PLAC8: variants seen among roughly 807,000 people sequenced by gnomAD.
PLAC8 encodes placenta-specific gene 8 protein.
PLAC8 carries 6 observed loss-of-function variants against 12.6 expected under a neutral mutation model. That is an observed-to-expected ratio of 0.48 (90% confidence interval 0.26 to 0.94). The LOEUF (loss-of-function observed/expected upper bound fraction) is 0.94, where lower values mean the gene tolerates loss of function less well. Ranked by LOEUF, PLAC8 falls within the 40% of genes least tolerant of loss-of-function variation. PLAC8 has a pLI of 0.14. For synonymous variants in PLAC8, 54 were observed against 52.6 expected, an observed-to-expected ratio of 1.03 and a Z score of -0.11; for missense variants, 122 against 152.7, an observed-to-expected ratio of 0.80 and a Z score of 1.06.
Position 83,112,173 on chromosome 4 carries a change from CA to C in PLAC8, c.-30+2492del, listed in dbSNP as rs1166374435. On this transcript the variant is annotated intron_variant, in intron 1 of 4. Coordinates refer to ENST00000311507, the MANE Select transcript of PLAC8 (RefSeq NM_016619.3). ...TGGATGACAGAGCGAGACTCCGTCT[CA>C]AAAAAAAAAAAATTTATATATATAT... 6.4e-3 allele frequency among the ~76,000 whole-genome samples: 708 copies of C among 110,420 alleles called. 9 individuals carry two copies. The highest frequency in any genetic ancestry group is 0.02 in the African/African-American group (477 of 24,404). The allele number at this position is 110,420 out of a possible 152,430, so 72.4% of individuals were successfully genotyped here. A position where few individuals can be genotyped will look rare whatever the true frequency, so the allele number is the denominator to read the frequency against.
chr4:83,099,565 C>A (rs2868728), intron 3 of PLAC8, among the ~76,000 whole-genome samples: 47,601 of 152,004 alleles, frequency 0.31, 7,669 homozygotes, highest in East Asian at 0.56. Context: ...GTTGTCCCCA[C>A]CCAAATCTCA....
At position 83,094,628 on chromosome 4, in the gene PLAC8, A is replaced by T. The variant is rs144528922; in HGVS notation, c.*9+50T>A. 291 of 937,108 alleles carry T rather than the reference A, an allele frequency of 3.1e-4. No individual in the cohort carries two copies. In the African/African-American group the frequency reaches 4.2e-3, roughly 14 times the overall value. The allele number at this position is 937,108 out of a possible 1,614,324, so 58.0% of individuals were successfully genotyped here. A position where few individuals can be genotyped will look rare whatever the true frequency, so the allele number is the denominator to read the frequency against. Reference sequence around the variant, plus strand: ...CAAATAATTGACAAAGTCTTTAGTGATATTTCTAAAAACCCACATGTTCTG... The same window carrying T: ...CAAATAATTGACAAAGTCTTTAGTGTTATTTCTAAAAACCCACATGTTCTG... On this transcript the variant is annotated intron_variant, in intron 4 of 4. Coordinates refer to ENST00000311507, the MANE Select transcript of PLAC8 (RefSeq NM_016619.3).
At chr4:83,112,160 C>T (rs185399307) in intron 1 of PLAC8, among the ~76,000 whole-genome samples, 24 of 140,386 alleles carry the variant, frequency 1.7e-4, no homozygotes, top group African/African-American at 5.6e-4. Flanking sequence ...GATGACAGAG[C>T]GAGACTCCGT....
chr4:83,105,823 A>C (rs1732221230), intron 2 of PLAC8, among the ~76,000 whole-genome samples: 1 of 152,178 alleles, frequency 6.6e-6, no homozygotes, highest in South Asian at 2.1e-4. Context: ...TCATCTTTAG[A>C]GAGTTTCACC....
intron 4 of PLAC8, among the ~76,000 whole-genome samples, chr4:83,091,875 C>T (rs1169575729): frequency 1.3e-5 from 2 of 152,088 alleles, no homozygotes; most frequent in East Asian, 1.9e-4. Context: ...TCATTTATGT[C>T]AGCACAAACT....
At chr4:83,108,850 T>C (rs1224349018) in intron 1 of PLAC8, among the ~76,000 whole-genome samples, 7 of 152,224 alleles carry the variant, frequency 4.6e-5, no homozygotes, top group African/African-American at 1.7e-4. Context: ...TCCTAATTTA[T>C]TCTTTTTTGT....
At chr4:83,100,825 A>G (rs1217918087) in intron 3 of PLAC8, among the ~76,000 whole-genome samples, 1 of 152,250 alleles carries the variant, frequency 6.6e-6, no homozygotes, top group Non-Finnish European at 1.5e-5. Flanking sequence ...GAAACCAGAG[A>G]GAGGCTGAAA....
chr4:83,095,315 G>A (rs1731900127), intron 3 of PLAC8, among the ~76,000 whole-genome samples: 1 of 152,180 alleles, frequency 6.6e-6, no homozygotes, highest in Admixed American at 6.5e-5. Flanking sequence ...AGATGAAAAT[G>A]ATAAAACATC....
chr4:83,108,666 A>C (rs1285810277), intron 1 of PLAC8, among the ~76,000 whole-genome samples: 1 of 152,214 alleles, frequency 6.6e-6, no homozygotes, highest in Non-Finnish European at 1.5e-5. Context: ...CTCGTGGGGT[A>C]AGGGAGCTGA....
At chr4:83,098,034 T>A (rs769666570) in intron 3 of PLAC8, among the ~76,000 whole-genome samples, 1 of 152,014 alleles carries the variant, frequency 6.6e-6, no homozygotes, top group Non-Finnish European at 1.5e-5. Context: ...AATTTTTGTA[T>A]TTTTAGTAGA....
In PLAC8 at chr4:83,112,485, G is replaced by A. The variant is rs1316196282; in HGVS notation, c.-30+2181C>T. Among the ~76,000 whole-genome samples the A allele has an allele frequency of 8.5e-5, 13 of 152,218 alleles. No homozygotes were observed. The East Asian group carries it at 2.5e-3, about 29-fold the overall frequency. On this transcript the variant is annotated intron_variant, in intron 1 of 4. Coordinates refer to ENST00000311507, the MANE Select transcript of PLAC8 (RefSeq NM_016619.3). The stretch of plus-strand genomic sequence containing the variant: ...TGGGGGGCCCCAGGAGGTTTCTGAT[G>A]CTATTGTAAGTTCCTTTCTAGCACA...
At chr4:83,096,406 CAA>C (rs11352744) in intron 3 of PLAC8, among the ~76,000 whole-genome samples, 48 of 151,748 alleles carry the variant, frequency 3.2e-4, no homozygotes, top group African/African-American at 1.0e-3. Flanking sequence ...TTGTGAATTA[CAA>C]AAAAAAAATG....
chr4:83,113,663 T>TA (rs1466439392), intron 1 of PLAC8, among the ~76,000 whole-genome samples: 13 of 151,530 alleles, frequency 8.6e-5, no homozygotes, highest in Non-Finnish European at 1.3e-4. Context: ...AGAGAGTGAT[T>TA]AAAAAAAAGT....
chr4:83,091,233 C>G (rs917857579), intron 4 of PLAC8, among the ~76,000 whole-genome samples: 1 of 152,160 alleles, frequency 6.6e-6, no homozygotes, highest in African/African-American at 2.4e-5. Flanking sequence ...TTTTTACCTA[C>G]TTTAATTTTC....
chr4:83,103,249 G>T (rs550652162), intron 3 of PLAC8, among the ~76,000 whole-genome samples: 1 of 151,776 alleles, frequency 6.6e-6, no homozygotes, highest in Non-Finnish European at 1.5e-5. Context: ...ACAAAAATTA[G>T]CTGGGCACGG....
intron 3 of PLAC8, 72 bp downstream of exon 3, chr4:83,104,824 G>T (rs1732195924): frequency 6.1e-6 from 9 of 1,486,046 alleles, no homozygotes; most frequent in Middle Eastern, 2.3e-4. Flanking sequence ...TACATCAAAT[G>T]ATCTCCATGT....
intron 1 of PLAC8, among the ~76,000 whole-genome samples, chr4:83,111,099 G>A (rs1314680694): frequency 2.0e-5 from 3 of 152,030 alleles, no homozygotes; most frequent in Non-Finnish European, 4.4e-5. Context: ...CTGAGTAGCC[G>A]AGATTACAGG....
chr4:83,094,757 C>T lies in PLAC8; in HGVS notation c.278G>A (p.Cys93Tyr). ...SICDDYMATL[C>Y]CPHCTLCQIK... ...TTGGCAAAGAGTACAATGAGGACAGCAAAGAGTTGCCATATAGTCATCACA... is the reference window on the plus strand; with the variant it reads ...TTGGCAAAGAGTACAATGAGGACAGTAAAGAGTTGCCATATAGTCATCACA... The change falls in exon 4 of 5, where the codon TGC becomes TAC. Residue 93 changes from cysteine (C) to tyrosine (Y), a missense_variant. By Grantham distance (194) the Cys-to-Tyr change is radical. Transcript: ENST00000311507. The T allele has an allele frequency of 6.2e-7, 1 of 1,604,066 alleles. No individual in the cohort carries two copies.
In PLAC8 at chr4:83,108,842, CT is replaced by C. The variant is rs374112656; in HGVS notation, c.-29-893del. On this transcript the variant is annotated intron_variant, in intron 1 of 4. Transcript: ENST00000311507. ...TTGTGTATATCCCCCCTTCTTGTTCCTAATTTATTCTTTTTTGTTTTGGACT... is the reference window on the plus strand; with the variant it reads ...TTGTGTATATCCCCCCTTCTTGTTCCAATTTATTCTTTTTTGTTTTGGACT... Among the ~76,000 whole-genome samples, 674 of 152,250 alleles carry C rather than the reference CT, an allele frequency of 4.4e-3. 3 individuals carry two copies. Among genetic ancestry groups the C allele is most frequent in the African/African-American group, 0.015 (630 of 41,534 alleles).
Sources: gnomAD v4.1 joint callset for allele counts (sites outside exome capture counted in the v4.1 genomes callset) on GRCh38, gnomAD v4.1.1 for gene constraint, MANE v1.5 for transcripts, NCBI Gene and HGNC (gene_info 2026-07-23, HGNC 2026-07-21) for gene names.